Variants in SLC24A3 observed in about 807,000 individuals in gnomAD.
The protein encoded by SLC24A3 is solute carrier family 24 member 3.
SLC24A3 carries 28 observed loss-of-function variants against 75.8 expected under a neutral mutation model. That is an observed-to-expected ratio of 0.37 (90% CI 0.27 to 0.51). SLC24A3 has a LOEUF of 0.51. SLC24A3 is among the 20% of genes least tolerant of loss of function. The probability of loss-of-function intolerance (pLI) is 0.94; values close to 1 mark genes in which losing one functional copy is unlikely to be tolerated. For missense variants in SLC24A3, 663 were observed against 847.8 expected (o/e 0.78, Z 2.71); for synonymous variants, 372 against 334.1 (o/e 1.11, Z -1.24).
intron 8 of SLC24A3, among the ~76,000 whole-genome samples, chr20:19,668,456 AG>A (rs139755077): frequency 2.7e-3 from 407 of 152,316 alleles, no homozygotes; most frequent in Non-Finnish European, 3.1e-3. Flanking sequence ...TTTAACAGAG[AG>A]TTCCATTCCT....
chr20:19,315,138 C>T (rs1984555898), intron 2 of SLC24A3, among the ~76,000 whole-genome samples: 2 of 152,304 alleles, frequency 1.3e-5, no homozygotes, highest in South Asian at 4.2e-4. Context: ...CATTACTGTG[C>T]TCAGATTCGC....
intron 9 of SLC24A3, among the ~76,000 whole-genome samples, chr20:19,677,838 G>A (rs1351782565): frequency 1.3e-5 from 2 of 151,942 alleles, no homozygotes; most frequent in African/African-American, 4.8e-5. Flanking sequence ...GTTTTCCTAG[G>A]GAGAGGACCC....
chr20:19,279,283 T>G (rs371410964), intron 1 of SLC24A3, among the ~76,000 whole-genome samples: 1 of 152,206 alleles, frequency 6.6e-6, no homozygotes, highest in Non-Finnish European at 1.5e-5. Flanking sequence ...CCACGTCTTG[T>G]GTTTCCATCC....
chr20:19,635,999 G>C (rs887879663), intron 6 of SLC24A3, among the ~76,000 whole-genome samples: 2 of 152,168 alleles, frequency 1.3e-5, no homozygotes, highest in Non-Finnish European at 2.9e-5. Flanking sequence ...AATTAGCCAG[G>C]CGTGGTGGCG....
At chr20:19,717,493 C>G in intron 15 of SLC24A3, 35 bp from the exon 16 acceptor site, 1 of 1,610,948 alleles carries the variant, frequency 6.2e-7, no homozygotes, top group Non-Finnish European at 8.5e-7. Flanking sequence ...GGAAGCCTAG[C>G]TTGTCAGAAG....
chr20:19,226,838 A>G lies in SLC24A3; in HGVS notation c.142+13854A>G, dbSNP rs60518116. On this transcript the variant is annotated intron_variant, in intron 1 of 16. Coordinates refer to ENST00000328041, the MANE Select transcript of SLC24A3 (RefSeq NM_020689.4). ...GTCTGATTCCACATCCTGTGGTCTT[A>G]ACTATTACATCGTATCCTTTGATTA... is the stretch of plus-strand genomic sequence containing the variant. 7.5e-3 allele frequency among the ~76,000 whole-genome samples: 1,142 copies of G among 152,366 alleles called. 5 individuals are homozygous for G. Among genetic ancestry groups the G allele is most frequent in the Middle Eastern group, 0.02 (6 of 294 alleles).
chr20:19,315,834 C>T (rs188823647), intron 2 of SLC24A3, among the ~76,000 whole-genome samples: 5 of 152,322 alleles, frequency 3.3e-5, no homozygotes, highest in Non-Finnish European at 7.3e-5. Context: ...TGCCAGTAAG[C>T]CTGTCCACAA....
chr20:19,400,700 G>A (rs994192634), intron 2 of SLC24A3, among the ~76,000 whole-genome samples: 1 of 152,058 alleles, frequency 6.6e-6, no homozygotes, highest in Non-Finnish European at 1.5e-5. Context: ...CATCTCCCCA[G>A]TTCAAGAATC....
Position 19,325,765 on chromosome 20 carries a change from CATATATATATACAT to C in SLC24A3, c.271+44690_271+44703del, listed in dbSNP as rs1241153528. ...GTGTGTGTGTGTGTATACATACATA[CATATATATATACAT>C]ATATATATATATATATAGAGAGAGA... On this transcript the variant is annotated intron_variant, in intron 2 of 16. Coordinates refer to ENST00000328041, the MANE Select transcript of SLC24A3 (RefSeq NM_020689.4). Among the ~76,000 whole-genome samples, 230 of 43,074 alleles carry C rather than the reference CATATATATATACAT, an allele frequency of 5.3e-3. 5 individuals are homozygous for C. Among genetic ancestry groups the C allele is most frequent in the Non-Finnish European group, 7.9e-3 (195 of 24,738 alleles). The allele number at this position is 43,074 out of a possible 152,430, so 28.3% of individuals were successfully genotyped here.
intron 2 of SLC24A3, among the ~76,000 whole-genome samples, chr20:19,344,312 C>T (rs1311231462): frequency 5.9e-5 from 9 of 152,170 alleles, no homozygotes; most frequent in Non-Finnish European, 1.3e-4. Flanking sequence ...GGATATGATA[C>T]TCTGTCTCTG....
intron 15 of SLC24A3, among the ~76,000 whole-genome samples, chr20:19,713,642 G>T (rs1318294659): frequency 1.3e-5 from 2 of 152,134 alleles, no homozygotes; most frequent in Non-Finnish European, 2.9e-5. Context: ...CTGTAATCTA[G>T]TAAGCTATTG....
intron 2 of SLC24A3, among the ~76,000 whole-genome samples, chr20:19,454,377 A>G (rs952627875): frequency 2.6e-5 from 4 of 152,252 alleles, no homozygotes; most frequent in African/African-American, 9.6e-5. Context: ...CTAATAGTTC[A>G]GGACAATGAA....
intron 3 of SLC24A3, among the ~76,000 whole-genome samples, chr20:19,528,967 C>T (rs1295948791): frequency 6.6e-6 from 1 of 152,082 alleles, no homozygotes; most frequent in Admixed American, 6.6e-5. Flanking sequence ...CATTACTCTC[C>T]TTTTTAGAGG....
At chr20:19,457,812 C>T (rs116593203) in intron 2 of SLC24A3, among the ~76,000 whole-genome samples, 2,178 of 152,280 alleles carry the variant, frequency 0.014, 54 homozygotes, top group African/African-American at 0.05. Flanking sequence ...GAGAGCTGAG[C>T]AGTCCCCAGA....
At chr20:19,302,395 A>G (rs1450350763) in intron 2 of SLC24A3, among the ~76,000 whole-genome samples, 2 of 152,236 alleles carry the variant, frequency 1.3e-5, no homozygotes, top group East Asian at 1.9e-4. Flanking sequence ...TTAGTATTTT[A>G]TCTTGAAACA....
chr20:19,454,557 A>G (rs1600236083), intron 2 of SLC24A3, among the ~76,000 whole-genome samples: 1 of 152,220 alleles, frequency 6.6e-6, no homozygotes, highest in South Asian at 2.1e-4. Flanking sequence ...CTATAATGCC[A>G]TGTCTGAACT....
intron 9 of SLC24A3, among the ~76,000 whole-genome samples, chr20:19,673,905 C>T (rs1279048729): frequency 6.6e-6 from 1 of 152,216 alleles, no homozygotes; most frequent in African/African-American, 2.4e-5. Flanking sequence ...TCTAGAACCC[C>T]TAATCTCTCT....
chr20:19,711,082 CACAG>C (rs1347901844), intron 15 of SLC24A3, among the ~76,000 whole-genome samples: 1 of 151,754 alleles, frequency 6.6e-6, no homozygotes, highest in Non-Finnish European at 1.5e-5. Flanking sequence ...TGCAGACACA[CACAG>C]ACAAAGGCAC....
At chr20:19,429,115 C>A (rs987313569) in intron 2 of SLC24A3, among the ~76,000 whole-genome samples, 9 of 152,226 alleles carry the variant, frequency 5.9e-5, no homozygotes, top group African/African-American at 1.9e-4. Context: ...ACTTTCATTT[C>A]TCTGAAGGTT....
Sources: gnomAD v4.1 joint callset for allele counts (sites outside exome capture counted in the v4.1 genomes callset) on GRCh38, gnomAD v4.1.1 for gene constraint, MANE v1.5 for transcripts, NCBI Gene and HGNC (gene_info 2026-07-23, HGNC 2026-07-21) for gene names.